The following METTL6 variants were observed in gnomAD, a reference collection of about 807,000 sequenced individuals.
The protein encoded by METTL6 is methyltransferase 6, tRNA N3-cytidine.
A neutral mutation model predicts 26.4 loss-of-function variants in METTL6; 22 were observed. The ratio of observed to expected loss-of-function variants is 0.83; its 90% CI spans 0.59 to 1.19. The LOEUF is 1.19. Among genes scored for constraint, METTL6 ranks in the 50% most tolerant of loss-of-function variants. The probability of loss-of-function intolerance (pLI) is 0.00; values close to 1 mark genes in which losing one functional copy is unlikely to be tolerated. For missense variants in METTL6, 304 were observed against 324.8 expected, an observed-to-expected ratio of 0.94 and a Z score of 0.49; for synonymous variants, 109 against 116.2, an observed-to-expected ratio of 0.94 and a Z score of 0.40.
intron 5 of METTL6, among the ~76,000 whole-genome samples, chr3:15,412,109 G>A (rs936013999): frequency 6.6e-6 from 1 of 151,988 alleles, no homozygotes; most frequent in Non-Finnish European, 1.5e-5. Context: ...TCCCATCTCC[G>A]AACAAAAACA....
chr3:15,420,784 CTG>C lies in METTL6; in HGVS notation c.360+4169_360+4170del, dbSNP rs1457588630. ...TTTGTGTTCAAATTCATAGGAAAGA[CTG>C]TTCTTAAAAACACTTAGGGAAGTGA... On this transcript the variant is annotated intron_variant, in intron 3 of 5. Transcript: ENST00000383790. Among the ~76,000 whole-genome samples the C allele has an allele frequency of 1.3e-5, 2 of 152,178 alleles. 1 individual carries two copies. The highest frequency in any genetic ancestry group is 1.3e-4 in the Admixed American group (2 of 15,262).
intron 6 of METTL6, among the ~76,000 whole-genome samples, chr3:15,399,922 A>G (rs1699595003): frequency 6.6e-6 from 1 of 152,158 alleles, no homozygotes; most frequent in Admixed American, 6.5e-5. Context: ...ATAGCTCTGA[A>G]AAGATCTCCT....
At chr3:15,415,564 T>G (rs1700166938) in intron 4 of METTL6, 1 of 1,602,558 alleles carries the variant, frequency 6.2e-7, no homozygotes, top group Admixed American at 1.7e-5. Flanking sequence ...CTGGCGAAGC[T>G]CTGAAGAGCA....
intron 5 of METTL6, among the ~76,000 whole-genome samples, chr3:15,412,064 C>T (rs374160899): frequency 6.6e-6 from 1 of 152,108 alleles, no homozygotes; most frequent in African/African-American, 2.4e-5. Flanking sequence ...TGGGCCCGGC[C>T]GATTATATTC....
intron 3 of METTL6, among the ~76,000 whole-genome samples, 177 bp from the exon 4 acceptor site, chr3:15,416,119 C>T (rs1700195027): frequency 6.6e-6 from 1 of 152,180 alleles, no homozygotes; most frequent in African/African-American, 2.4e-5. Flanking sequence ...TTCACTACTG[C>T]TACAGGAGCA....
downstream of METTL6, among the ~76,000 whole-genome samples, chr3:15,406,941 T>G (rs6764006): frequency 2.0e-5 from 3 of 151,868 alleles, no homozygotes; most frequent in Non-Finnish European, 4.4e-5. Flanking sequence ...TTAATCTTAA[T>G]GTATCTTAAA....
At chr3:15,417,977 G>A (rs1165081298) in intron 3 of METTL6, among the ~76,000 whole-genome samples, 2 of 152,206 alleles carry the variant, frequency 1.3e-5, no homozygotes, top group African/African-American at 4.8e-5. Flanking sequence ...AAATCCAAGA[G>A]AGGAGACAAA....
intron 3 of METTL6, among the ~76,000 whole-genome samples, chr3:15,418,357 ACT>A (rs1176068735): frequency 6.6e-6 from 1 of 152,168 alleles, no homozygotes; most frequent in Non-Finnish European, 1.5e-5. Context: ...CTATAAAAAG[ACT>A]CTAAGAGAAA....
At position 15,411,083 on chromosome 3, in the gene METTL6, T is replaced by TG. The variant is rs1699944525; in HGVS notation, c.*172dup. 2 of 612,052 alleles carry TG rather than the reference T, an allele frequency of 3.3e-6. No homozygotes were observed. The highest frequency in any genetic ancestry group is 5.4e-6 in the Non-Finnish European group (2 of 369,626). The allele number at this position is 612,052 out of a possible 1,614,324, so 37.9% of individuals were successfully genotyped here. ...AATTTTTTTGTATTTTTAGTAGAGA[T>TG]GGGGTCTCACCATGTTGGCCAGGCT... On this transcript the variant is annotated 3_prime_UTR_variant, in exon 6 of 6. Transcript: ENST00000383790.
chr3:15,389,263 T>C (rs1699278906), intron 6 of METTL6, among the ~76,000 whole-genome samples: 1 of 152,054 alleles, frequency 6.6e-6, no homozygotes. Flanking sequence ...CAAAGTGCTC[T>C]TTGGAAATTG....
At chr3:15,388,837 T>C (rs1371546427) in intron 6 of METTL6, among the ~76,000 whole-genome samples, 1 of 152,106 alleles carries the variant, frequency 6.6e-6, no homozygotes, top group Non-Finnish European at 1.5e-5. Context: ...ATAAACTACT[T>C]TTCTCCCAAA....
chr3:15,401,739 C>T (rs574355272), intron 6 of METTL6, among the ~76,000 whole-genome samples: 47 of 152,194 alleles, frequency 3.1e-4, no homozygotes, highest in African/African-American at 1.1e-3. Context: ...CCCACCAGTG[C>T]CATGAGTTTA....
chr3:15,382,884 A>G (rs189258506), exon 7 of METTL6: 2 of 152,336 alleles, frequency 1.3e-5, no homozygotes, highest in African/African-American at 4.8e-5. Flanking sequence ...AGATTCAGAA[A>G]GACAAATACC....
At position 15,415,771 on chromosome 3, in the gene METTL6, C is replaced by A; in HGVS notation, c.531+1G>T. 1 of 1,613,168 alleles carries A rather than the reference C, an allele frequency of 6.2e-7. No individual in the cohort carries two copies. Among genetic ancestry groups the A allele is most frequent in the South Asian group, 1.1e-5 (1 of 90,814 alleles). ...TCAAGTGCAGGCCCCAAATCACTAA[C>A]CTTGTAAATGTTTTGTAAGACAAGG... On this transcript the variant is annotated splice_donor_variant, in intron 4 of 5. Transcript: ENST00000383790. LOFTEE classifies it high-confidence loss of function.
intron 2 of METTL6, among the ~76,000 whole-genome samples, chr3:15,425,419 A>G (rs1181907032): frequency 1.3e-5 from 2 of 152,244 alleles, no homozygotes; most frequent in Non-Finnish European, 2.9e-5. Context: ...AATGAGTACA[A>G]TACTAATACT....
chr3:15,389,407 G>A (rs1375854893), intron 6 of METTL6, among the ~76,000 whole-genome samples: 1 of 152,130 alleles, frequency 6.6e-6, no homozygotes, highest in African/African-American at 2.4e-5. Context: ...GGGTCCTTCA[G>A]CCCTTTATGT....
At chr3:15,394,476 GT>G (rs1174945631) in intron 6 of METTL6, among the ~76,000 whole-genome samples, 12 of 151,012 alleles carry the variant, frequency 7.9e-5, no homozygotes, top group African/African-American at 2.9e-4. Flanking sequence ...TTTTTGAAGG[GT>G]TTTTTGTGTC....
At chr3:15,417,058 G>T (rs1700236530) in intron 3 of METTL6, among the ~76,000 whole-genome samples, 1 of 152,220 alleles carries the variant, frequency 6.6e-6, no homozygotes, top group South Asian at 2.1e-4. Context: ...TGTAATCCCA[G>T]CAACCTGGGA....
Position 15,384,420 on chromosome 3 carries a change from G to A in METTL6, c.*12-233C>T, listed in dbSNP as rs1699140303. 4.4e-5 allele frequency: 8 copies of A among 182,074 alleles called. No homozygotes were observed. The South Asian group carries it at 6.5e-4, about 15-fold the overall frequency. 11.3% of individuals were successfully genotyped at this position (182,074 alleles called of 1,614,324 possible). A position where few individuals can be genotyped will look rare whatever the true frequency, so the allele number is the denominator to read the frequency against. ...AAATAAAGAAAAAAATAGAGAAAAC[G>A]AGACTATGCAGAGAGAAATTAAATA... On this transcript the variant is annotated intron_variant, in intron 6 of 6. Transcript: ENST00000443029.
Sources: gnomAD v4.1 joint callset for allele counts (sites outside exome capture counted in the v4.1 genomes callset) on GRCh38, gnomAD v4.1.1 for gene constraint, MANE v1.5 for transcripts, NCBI Gene and HGNC (gene_info 2026-07-23, HGNC 2026-07-21) for gene names.